Variants in GAS2L2 observed in about 807,000 individuals in gnomAD.
GAS2L2 encodes growth arrest specific 2 like 2, also known as GAS2-like protein 2.
A neutral mutation model predicts 35.2 loss-of-function variants in GAS2L2; 21 were observed. That is an observed-to-expected ratio of 0.60 (90% CI 0.42 to 0.86). The LOEUF (loss-of-function observed/expected upper bound fraction) is 0.86, where lower values mean the gene tolerates loss of function less well. GAS2L2 is among the 40% of genes least tolerant of loss of function. The pLI, the probability that GAS2L2 is intolerant of heterozygous loss-of-function variation, is 0.00. For synonymous variants in GAS2L2, 490 were observed against 473.2 expected (o/e 1.04, Z -0.46); for missense variants, 1,169 against 1,144.4 (o/e 1.02, Z -0.31).
chr17:35,751,497 A>C (rs925250401), intron 1 of GAS2L2, among the ~76,000 whole-genome samples: 1 of 151,864 alleles, frequency 6.6e-6, no homozygotes, highest in African/African-American at 2.4e-5. Context: ...GTGAAACCCC[A>C]TTTCTACTAA....
In GAS2L2 at chr17:35,753,226, A is replaced by G. The variant is rs939481505; in HGVS notation, c.-376T>C. Reference sequence around the variant, plus strand: ...CTCCTACCCTCTGCTGGCTGCGGCCACAGAGCCTGGGGTGGCTGCCGGCCT... The same window carrying G: ...CTCCTACCCTCTGCTGGCTGCGGCCGCAGAGCCTGGGGTGGCTGCCGGCCT... On this transcript the variant is annotated 5_prime_UTR_variant, in exon 1 of 6. Coordinates refer to ENST00000604641, the MANE Select transcript of GAS2L2 (RefSeq NM_139285.4). 1.3e-5 allele frequency among the ~76,000 whole-genome samples: 2 copies of G among 152,090 alleles called. No homozygotes were observed. Among genetic ancestry groups the G allele is most frequent in the Admixed American group, 1.3e-4 (2 of 15,284 alleles).
Position 35,745,915 on chromosome 17 carries a change from T to A in GAS2L2, c.1582A>T (p.Arg528Trp), listed in dbSNP as rs2085664066. Residue 528 changes from arginine to tryptophan, a missense_variant, in exon 6 of 6, where the codon AGG becomes TGG. By Grantham distance (101) the Arg-to-Trp change is moderately radical. This residue lies in a region of GAS2L2 where 1,035 missense variants were observed against 976.5 expected (regional missense o/e 1.06). Transcript: ENST00000604641. ...ATGGGGTCTCTCCCAAGTTCTGTCC[T>A]GGGACTTCCACTTGTAGCACCAGGA... Reference protein sequence around the residue: ...SFPGATSGSPRTELGRDPIPL... With the variant: ...SFPGATSGSPWTELGRDPIPL... 1 of 1,612,262 alleles carries A rather than the reference T, an allele frequency of 6.2e-7. No homozygotes were observed. The highest frequency in any genetic ancestry group is 1.7e-5 in the Admixed American group (1 of 59,984).
intron 1 of GAS2L2, among the ~76,000 whole-genome samples, chr17:35,751,484 A>G (rs1555599761): frequency 6.6e-6 from 1 of 152,100 alleles, no homozygotes; most frequent in African/African-American, 2.4e-5. Context: ...CCTGGCCAAC[A>G]TGGTGAAACC....
rs940635949 is a variant in GAS2L2, at chr17:35,753,040, C to T, written c.-190G>A. Among the ~76,000 whole-genome samples, 31 of 152,170 alleles carry T rather than the reference C, an allele frequency of 2.0e-4. No homozygotes were observed. Among genetic ancestry groups the T allele is most frequent in the African/African-American group, 7.2e-4 (30 of 41,444 alleles). ...GCTGCCAGGCCTGGCCCAGCCCCTG[C>T]CCCCCCACATTCCTCAGTCCTTGCC... is the stretch of plus-strand genomic sequence containing the variant. On this transcript the variant is annotated 5_prime_UTR_variant, in exon 1 of 6. Coordinates refer to ENST00000604641, the MANE Select transcript of GAS2L2 (RefSeq NM_139285.4).
In GAS2L2 at chr17:35,745,902, C is replaced by T. The variant is rs1555598865; in HGVS notation, c.1595G>A (p.Gly532Glu). The T allele has an allele frequency of 1.7e-5, 28 of 1,613,246 alleles. No homozygotes were observed. The highest frequency in any genetic ancestry group is 2.4e-5 in the Non-Finnish European group (28 of 1,179,996). ...GGCCCTTAGTGGGATGGGGTCTCTC[C>T]CAAGTTCTGTCCTGGGACTTCCACT... ...ATSGSPRTEL[G>E]RDPIPLRAVT... The change falls in exon 6 of 6, where the codon GGG becomes GAG. Residue 532 changes from glycine (G) to glutamate (E), a missense_variant. Gly to Glu is a moderately conservative substitution (Grantham distance 98). Transcript: ENST00000604641.
At chr17:35,750,918 T>C (rs1405080490) in intron 1 of GAS2L2, among the ~76,000 whole-genome samples, 1 of 152,208 alleles carries the variant, frequency 6.6e-6, no homozygotes, top group Non-Finnish European at 1.5e-5. Flanking sequence ...GGGGTTGTTG[T>C]GAAGATTGGA....
rs587619929 is a variant in GAS2L2 at position 35,745,217 on chromosome 17, TCTC to T, written c.2277_2279del (p.Arg760del). 643 of 1,606,116 alleles carry T rather than the reference TCTC, an allele frequency of 4.0e-4. 4 individuals are homozygous for T. The African/African-American group carries it at 7.1e-3, about 18-fold the overall frequency. On this transcript the variant is annotated inframe_deletion, in exon 6 of 6. Transcript: ENST00000604641. ...GGACCCTCTTGGGCTTCCGGAGAGT[TCTC>T]CTGCCCTTGCTCAGACATGCCTTGG...
At chr17:35,747,984 G>A in intron 3 of GAS2L2, 39 bp from the exon 4 acceptor site, 2 of 1,509,314 alleles carry the variant, frequency 1.3e-6, no homozygotes, top group East Asian at 2.3e-5. Flanking sequence ...GGGGTGGAGG[G>A]CAGCCCCTCT....
At chr17:35,749,539 C>T (rs912914425) in intron 2 of GAS2L2, among the ~76,000 whole-genome samples, 1 of 152,190 alleles carries the variant, frequency 6.6e-6, no homozygotes, top group Non-Finnish European at 1.5e-5. Flanking sequence ...GCCTGAGCTC[C>T]ATTTTCCCCA....
intron 3 of GAS2L2, among the ~76,000 whole-genome samples, chr17:35,748,655 C>G (rs1482471268): frequency 1.3e-5 from 2 of 152,216 alleles, no homozygotes; most frequent in Non-Finnish European, 2.9e-5. Context: ...CTATGGGGTC[C>G]ATGTGGCTGG....
chr17:35,746,508 C>T, intron 5 of GAS2L2, 97 bp from the exon 6 acceptor site: 2 of 728,320 alleles, frequency 2.7e-6, no homozygotes, highest in Non-Finnish European at 3.9e-6. Context: ...AGTCTTTCCC[C>T]AGTGAGAACA....
rs1212768669 is a variant in GAS2L2 at position 35,744,780 on chromosome 17, T to C, written c.*74A>G. On this transcript the variant is annotated 3_prime_UTR_variant, in exon 6 of 6. Coordinates refer to ENST00000604641, the MANE Select transcript of GAS2L2 (RefSeq NM_139285.4). Reference sequence around the variant, plus strand: ...TGGAGGTGAGGGAACATCCCTTCTGTTCCCGCAGCTGTGAATCCAGTGTAT... The same window carrying C: ...TGGAGGTGAGGGAACATCCCTTCTGCTCCCGCAGCTGTGAATCCAGTGTAT... 3 of 1,170,536 alleles carry C rather than the reference T, an allele frequency of 2.6e-6. No homozygotes were observed. The highest frequency in any genetic ancestry group is 3.6e-6 in the Non-Finnish European group (3 of 824,704). The allele number at this position is 1,170,536 out of a possible 1,614,324, so 72.5% of individuals were successfully genotyped here. A position where few individuals can be genotyped will look rare whatever the true frequency, so the allele number is the denominator to read the frequency against.
rs1555598752 is a variant in GAS2L2 at position 35,745,426 on chromosome 17, T to C, written c.2071A>G (p.Ser691Gly). 2 of 1,572,080 alleles carry C rather than the reference T, an allele frequency of 1.3e-6. No individual in the cohort carries two copies. Among genetic ancestry groups the C allele is most frequent in the Non-Finnish European group, 1.7e-6 (2 of 1,158,304 alleles). The change falls in exon 6 of 6, where the codon AGC becomes GGC. Residue 691 changes from serine (S) to glycine (G), a missense_variant. By Grantham distance (56) the Ser-to-Gly change is moderately conservative. This residue lies in a region of GAS2L2 where 1,035 missense variants were observed against 976.5 expected (regional missense o/e 1.06). Coordinates refer to ENST00000604641, the MANE Select transcript of GAS2L2 (RefSeq NM_139285.4). The stretch of plus-strand genomic sequence containing the variant: ...CTGGCTCCCAACTTCCCTTTGAGGC[T>C]TCCCGGTCCTGGGGTAACAGCTGGC... ...PKPAVTPGPG[S>G]LKGKLGARQS...
At position 35,752,714 on chromosome 17, in the gene GAS2L2, T is replaced by C. The variant is rs782124886; in HGVS notation, c.137A>G (p.Tyr46Cys). The change falls in exon 1 of 6, where the codon TAT becomes TGT. Residue 46 changes from tyrosine (Y) to cysteine (C), a missense_variant. By Grantham distance (194) the Tyr-to-Cys change is radical (BLOSUM62 -2). Coordinates refer to ENST00000604641, the MANE Select transcript of GAS2L2 (RefSeq NM_139285.4). ...GTTGGCTGCGTCGATGTCCAGCCCATAGAGGTCGCGAAGCCACTCAGCCAG... is the reference window on the plus strand; with the variant it reads ...GTTGGCTGCGTCGATGTCCAGCCCACAGAGGTCGCGAAGCCACTCAGCCAG... ...EDLAEWLRDLYGLDIDAANFL... is the reference protein window; with the variant it reads ...EDLAEWLRDLCGLDIDAANFL... 2.5e-6 allele frequency: 4 copies of C among 1,613,928 alleles called. No individual in the cohort carries two copies. The highest frequency in any genetic ancestry group is 1.1e-5 in the South Asian group (1 of 91,088).
In GAS2L2 at chr17:35,752,414, A is replaced by G. The variant is rs2085709055; in HGVS notation, c.385+52T>C. ...AGCCTGTGCATTTGAGAAAGGACCA[A>G]TACCCCCCAAGATAAGCATCTGGAA... On this transcript the variant is annotated intron_variant, in intron 1 of 5. Transcript: ENST00000604641. 4 of 1,516,826 alleles carry G rather than the reference A, an allele frequency of 2.6e-6. No homozygotes were observed. The East Asian group carries it at 9.1e-5, about 35-fold the overall frequency. 94.0% of individuals were successfully genotyped at this position (1,516,826 alleles called of 1,614,324 possible).
chr17:35,748,018 C>T (rs1171126218), intron 3 of GAS2L2, 73 bp from the exon 4 acceptor site: 20 of 1,102,628 alleles, frequency 1.8e-5, no homozygotes, highest in Middle Eastern at 2.7e-4. Context: ...CGCGGGCTTC[C>T]GGCACTCACT....
intron 3 of GAS2L2, among the ~76,000 whole-genome samples, 163 bp from the exon 4 acceptor site, chr17:35,748,108 C>G (rs1474607366): frequency 2.0e-5 from 3 of 152,196 alleles, no homozygotes; most frequent in Non-Finnish European, 4.4e-5. Flanking sequence ...ATCTCCTCCT[C>G]CATGACTGGC....
In GAS2L2 at chr17:35,747,865, G is replaced by A. The variant is rs782454642; in HGVS notation, c.816C>T (p.Cys272=). ...LGHYLDKHDP[C]RCTSLSHKPG... ...GGGACTCACAGAGGGATGTGCAGCG[G>A]CAGGGGTCATGTTTGTCCAGGTAAT... The change falls in exon 4 of 6, where the codon TGC becomes TGT. Residue 272 remains cysteine (C), a synonymous_variant. Transcript: ENST00000604641. 3 of 1,613,576 alleles carry A rather than the reference G, an allele frequency of 1.9e-6. No homozygotes were observed. Among genetic ancestry groups the A allele is most frequent in the African/African-American group, 2.7e-5 (2 of 74,874 alleles).
At position 35,750,110 on chromosome 17, in the gene GAS2L2, G is replaced by A; in HGVS notation, c.594C>T (p.Arg198=). The change falls in exon 2 of 6, where the codon CGC becomes CGT. Residue 198 remains arginine (R), a synonymous_variant. Coordinates refer to ENST00000604641, the MANE Select transcript of GAS2L2 (RefSeq NM_139285.4). ...PDPSPPAPPR[R]QPCHFRNLDQ... is the part of the protein sequence containing the mutation. ...CCAGGTTGCGGAAGTGGCAGGGCTG[G>A]CGCCTGGGGGGCGCTGGCGGCGAGG... 1 of 1,601,102 alleles carries A rather than the reference G, an allele frequency of 6.2e-7. No homozygotes were observed. Among genetic ancestry groups the A allele is most frequent in the South Asian group, 1.1e-5 (1 of 90,250 alleles).
Sources: gnomAD v4.1 joint callset for allele counts (sites outside exome capture counted in the v4.1 genomes callset) on GRCh38, gnomAD v4.1.1 for gene constraint, gnomAD v4.1.1 regional missense constraint, MANE v1.5 for transcripts, NCBI Gene and HGNC (gene_info 2026-07-23, HGNC 2026-07-21) for gene names.